The following ARAP2 variants were observed in gnomAD, a reference collection of about 807,000 sequenced individuals.
ARAP2 encodes the protein ArfGAP with RhoGAP domain, ankyrin repeat and PH domain 2.
ARAP2 carries 148 observed loss-of-function variants against 194.5 expected under a neutral mutation model. The observed-to-expected ratio is 0.76, with a 90% confidence interval of 0.67 to 0.87. The LOEUF (loss-of-function observed/expected upper bound fraction) is 0.87. Ranked by LOEUF, ARAP2 falls within the 40% of genes least tolerant of loss-of-function variation. The probability of loss-of-function intolerance (pLI) is 0.00; values close to 1 mark genes in which losing one functional copy is unlikely to be tolerated. For synonymous variants in ARAP2, 695 were observed against 683.5 expected (o/e 1.02, Z -0.26); for missense variants, 2,128 against 1,989.7 (o/e 1.07, Z -1.32).
chr4:36,099,670 A>T (rs189274944), intron 27 of ARAP2, among the ~76,000 whole-genome samples: 1 of 152,126 alleles, frequency 6.6e-6, no homozygotes, highest in African/African-American at 2.4e-5. Flanking sequence ...AAGAGCTGAA[A>T]CAATACGGTG....
At chr4:36,052,915 G>A (rs1382777186) in intron 2 of ARAP2, among the ~76,000 whole-genome samples, 3 of 152,170 alleles carry the variant, frequency 2.0e-5, no homozygotes, top group African/African-American at 2.4e-5. Flanking sequence ...TTACAAGTGA[G>A]CCGAGATAGC....
intron 5 of ARAP2, among the ~76,000 whole-genome samples, chr4:36,042,345 C>T (rs555770461): frequency 3.7e-4 from 56 of 152,254 alleles, no homozygotes; most frequent in African/African-American, 1.3e-3. Context: ...TATGTGTTCT[C>T]GCAGCATTGG....
intron 22 of ARAP2, among the ~76,000 whole-genome samples, chr4:36,124,117 AAGAAAAGAACAAG>A (rs369642009): frequency 2.6e-5 from 4 of 152,014 alleles, no homozygotes; most frequent in African/African-American, 9.6e-5. Flanking sequence ...GTGGTTGGGA[AAGAAAAGAACAAG>A]AGGAAAGAAC....
At chr4:36,171,370 C>T (rs61796565) in intron 9 of ARAP2, among the ~76,000 whole-genome samples, 9 of 152,130 alleles carry the variant, frequency 5.9e-5, no homozygotes, top group South Asian at 4.2e-4. Flanking sequence ...GTCCTTTGTA[C>T]GGACATGGAT....
At chr4:36,048,904 T>C (rs929185588) in intron 3 of ARAP2, among the ~76,000 whole-genome samples, 3 of 152,158 alleles carry the variant, frequency 2.0e-5, no homozygotes, top group Non-Finnish European at 4.4e-5. Flanking sequence ...TTTTTAAGAA[T>C]AGCAATTCTG....
At chr4:36,178,746 A>T (rs1738546789) in intron 8 of ARAP2, among the ~76,000 whole-genome samples, 1 of 152,228 alleles carries the variant, frequency 6.6e-6, no homozygotes. Flanking sequence ...GGTATGAAAT[A>T]ATATATGAGT....
At chr4:36,119,572 C>A in intron 24 of ARAP2, 78 bp downstream of exon 24, 2 of 1,001,050 alleles carry the variant, frequency 2.0e-6, no homozygotes, top group Non-Finnish European at 1.5e-6. Flanking sequence ...CTTGAAAATA[C>A]ACACAGCAAA....
chr4:36,152,673 T>TAA (rs5857475), intron 15 of ARAP2, among the ~76,000 whole-genome samples: 9,520 of 148,426 alleles, frequency 0.064, 316 homozygotes, highest in East Asian at 0.15. Flanking sequence ...ACTGAAGTGA[T>TAA]AAAAAAAAAA....
rs546797603 is a variant in ARAP2 at position 36,193,726 on chromosome 4, T to C, written c.1488-79A>G. The C allele has an allele frequency of 1.1e-5, 11 of 1,032,342 alleles. No homozygotes were observed. The African/African-American group carries it at 1.5e-4, about 14-fold the overall frequency. 63.9% of individuals were successfully genotyped at this position (1,032,342 alleles called of 1,614,324 possible). ...GTTAAATTCATTTGTAATGTAACCG[T>C]GTAAATATATTATTATTTAATGTTA... On this transcript the variant is annotated intron_variant, in intron 6 of 32. Transcript: ENST00000303965.
At chr4:36,035,745 G>T (rs1003041330) in intron 5 of ARAP2, among the ~76,000 whole-genome samples, 1 of 152,058 alleles carries the variant, frequency 6.6e-6, no homozygotes. Context: ...AGATGTCAAA[G>T]ATGTTCTATA....
chr4:36,032,954 G>T (rs367828432), intron 5 of ARAP2, among the ~76,000 whole-genome samples: 6 of 152,258 alleles, frequency 3.9e-5, no homozygotes, highest in African/African-American at 1.4e-4. Flanking sequence ...GCATTAGTTT[G>T]ATAAGTATAC....
intron 6 of ARAP2, among the ~76,000 whole-genome samples, chr4:36,200,235 CT>C (rs11330775): frequency 0.89 from 134,342 of 151,638 alleles, 59,729 homozygotes; most frequent in East Asian, 1. Context: ...GCACTATTCC[CT>C]TTTTTTATTT....
At chr4:36,153,473 C>A (rs1043515844) in intron 15 of ARAP2, among the ~76,000 whole-genome samples, 1 of 152,250 alleles carries the variant, frequency 6.6e-6, no homozygotes, top group East Asian at 1.9e-4. Flanking sequence ...AAAATTGGGG[C>A]CACAGAATGA....
downstream of ARAP2, among the ~76,000 whole-genome samples, chr4:36,064,187 CTTTT>C (rs1188085196): frequency 3.0e-5 from 4 of 133,756 alleles, no homozygotes; most frequent in Non-Finnish European, 3.1e-5. Flanking sequence ...GAGTGCTTTG[CTTTT>C]TTGTTTTTTT....
intron 5 of ARAP2, among the ~76,000 whole-genome samples, chr4:36,026,663 T>TGTAC (rs1018247231): frequency 6.6e-6 from 1 of 152,204 alleles, no homozygotes; most frequent in African/African-American, 2.4e-5. Context: ...TTGGAAAAGA[T>TGTAC]AGTACAAGGG....
chr4:36,106,885 C>A (rs1718550712), intron 27 of ARAP2, among the ~76,000 whole-genome samples: 1 of 151,764 alleles, frequency 6.6e-6, no homozygotes, highest in Non-Finnish European at 1.5e-5. Flanking sequence ...AATTTCAATC[C>A]TTAGCTTATT....
Position 36,147,209 on chromosome 4 carries a change from G to A in ARAP2, c.3263+87C>T. The A allele has an allele frequency of 4.2e-6, 5 of 1,176,748 alleles. No homozygotes were observed. In the South Asian group the frequency reaches 6.7e-5, roughly 16 times the overall value. The allele number at this position is 1,176,748 out of a possible 1,614,324, so 72.9% of individuals were successfully genotyped here. A position where few individuals can be genotyped will look rare whatever the true frequency, so the allele number is the denominator to read the frequency against. On this transcript the variant is annotated intron_variant, in intron 19 of 32. Coordinates refer to ENST00000303965, the MANE Select transcript of ARAP2 (RefSeq NM_015230.4). Reference sequence around the variant, plus strand: ...AAATTTCAACAGGTTTTAAAATATTGTTTTCTCCCTCAAGATAATAACAAA... The same window carrying A: ...AAATTTCAACAGGTTTTAAAATATTATTTTCTCCCTCAAGATAATAACAAA...
In ARAP2 at chr4:36,057,366, C is replaced by T. The variant is rs570013167; in HGVS notation, n.321+604G>A. On this transcript the variant is annotated intron_variant and non_coding_transcript_variant, in intron 2 of 12. Coordinates refer to the ARAP2 transcript ENST00000503225. ...TGTGTAGGTTTTTTTTTTTAATTTA[C>T]CTTGCTTAGAGTTCGGCTAACATAT... Among the ~76,000 whole-genome samples the T allele has an allele frequency of 1.6e-4, 24 of 150,380 alleles. No homozygotes were observed. The South Asian group carries it at 4.8e-3, about 30-fold the overall frequency.
Position 36,092,019 on chromosome 4 carries a change from G to C in ARAP2, c.4287C>G (p.Asp1429Glu). ...LTADTIKHCS[D>E]RSTLGSIKEG... ...CTTTGATGCTTCCCAGTGTACTCCG[G>C]TCTGTAAAGTACAGCATTACTTTTG... The change falls in exon 28 of 33, where the codon GAC becomes GAG. Residue 1429 changes from aspartate to glutamate, a missense_variant and splice_region_variant. Asp to Glu is a conservative substitution (Grantham distance 45). Transcript: ENST00000303965. 4 of 1,570,904 alleles carry C rather than the reference G, an allele frequency of 2.5e-6. No homozygotes were observed. Among genetic ancestry groups the C allele is most frequent in the Non-Finnish European group, 3.5e-6 (4 of 1,150,054 alleles).
Sources: gnomAD v4.1 joint callset for allele counts (sites outside exome capture counted in the v4.1 genomes callset) on GRCh38, gnomAD v4.1.1 for gene constraint, MANE v1.5 for transcripts, NCBI Gene and HGNC (gene_info 2026-07-23, HGNC 2026-07-21) for gene names.